DCBLD1: variants seen among roughly 807,000 people sequenced by gnomAD.
The protein encoded by DCBLD1 is discoidin, CUB and LCCL domain-containing protein 1.
In DCBLD1, 57 loss-of-function variants were observed where a neutral mutation model predicts 71.5. The observed-to-expected ratio is 0.80, with a 90% CI of 0.64 to 0.99. The LOEUF is 0.99. Among genes scored for constraint, DCBLD1 ranks in the 50% least tolerant of loss-of-function variants. The pLI, the probability that DCBLD1 is intolerant of heterozygous loss-of-function variation, is 0.00. For missense variants in DCBLD1, 891 were observed against 923.5 expected (o/e 0.96, Z 0.46); for synonymous variants, 380 against 363.8 (o/e 1.04, Z -0.51).
intron 2 of DCBLD1, among the ~76,000 whole-genome samples, chr6:117,519,242 G>A (rs1361894150): frequency 6.6e-6 from 1 of 152,042 alleles, no homozygotes; most frequent in African/African-American, 2.4e-5. Flanking sequence ...GTATAATTTT[G>A]TACTATAATA....
chr6:117,527,723 G>T (rs992776012), intron 5 of DCBLD1, among the ~76,000 whole-genome samples: 1 of 152,050 alleles, frequency 6.6e-6, no homozygotes, highest in African/African-American at 2.4e-5. Context: ...AAAACCATTT[G>T]TCAGGGATAG....
downstream of DCBLD1, among the ~76,000 whole-genome samples, chr6:117,554,245 T>C (rs1350280934): frequency 5.3e-5 from 8 of 152,258 alleles, no homozygotes; most frequent in East Asian, 1.5e-3. Context: ...GTACATTTAA[T>C]TCTATTGGCA....
intron 1 of DCBLD1, among the ~76,000 whole-genome samples, chr6:117,486,880 C>T (rs925601007): frequency 2.6e-5 from 4 of 152,166 alleles, no homozygotes; most frequent in Admixed American, 6.5e-5. Flanking sequence ...GGAGCATTAC[C>T]GCCTGAGTTC....
intron 2 of DCBLD1, among the ~76,000 whole-genome samples, chr6:117,504,710 C>T (rs904682779): frequency 9.2e-5 from 14 of 152,184 alleles, no homozygotes; most frequent in East Asian, 3.8e-4. Context: ...GTGCTGTTAG[C>T]GCACTGCAAC....
At chr6:117,515,020 G>GGTTTTTTTT (rs1402023741) in intron 2 of DCBLD1, among the ~76,000 whole-genome samples, 2 of 136,994 alleles carry the variant, frequency 1.5e-5, no homozygotes, top group Non-Finnish European at 1.6e-5. Context: ...CAGTTTGTGG[G>GGTTTTTTTT]TTTTTTTTTT....
chr6:117,568,246 T>A (rs867712292), intron 14 of DCBLD1, among the ~76,000 whole-genome samples: 3 of 151,898 alleles, frequency 2.0e-5, no homozygotes, highest in Admixed American at 2.0e-4. Flanking sequence ...AAAAGAAAAA[T>A]TTCCAAGCTA....
chr6:117,522,651 A>G, intron 4 of DCBLD1, among the ~76,000 whole-genome samples: 1 of 152,064 alleles, frequency 6.6e-6, no homozygotes. Context: ...TATATTGTCC[A>G]AGCTGATCTC....
Position 117,503,875 on chromosome 6 carries a change from T to G in DCBLD1, c.221T>G (p.Val74Gly). The G allele has an allele frequency of 6.2e-7, 1 of 1,614,070 alleles. No homozygotes were observed. The highest frequency in any genetic ancestry group is 8.5e-7 in the Non-Finnish European group (1 of 1,179,986). ...ACTGTTTGCGAAAAGACAATTACAGTACCAAAGGGGAAAAGACTGATTCTG... is the reference window on the plus strand; with the variant it reads ...ACTGTTTGCGAAAAGACAATTACAGGACCAAAGGGGAAAAGACTGATTCTG... Reference protein sequence around the residue: ...NHTVCEKTITVPKGKRLILRL... With the variant: ...NHTVCEKTITGPKGKRLILRL... Residue 74 changes from valine (V) to glycine (G), a missense_variant, in exon 2 of 15, where the codon GTA becomes GGA. Transcript: ENST00000338728.
At chr6:117,538,472 C>T (rs758115091) in intron 7 of DCBLD1, 148 bp from the exon 8 acceptor site, 16 of 707,224 alleles carry the variant, frequency 2.3e-5, no homozygotes, top group South Asian at 1.5e-4. Context: ...AAGTCTGGAC[C>T]GTTTAAAAGC....
chr6:117,567,054 T>C, intron 14 of DCBLD1: 1 of 1,533,338 alleles, frequency 6.5e-7, no homozygotes, highest in Non-Finnish European at 8.8e-7. Flanking sequence ...GAAATGAAAA[T>C]GAGAAAGTCA....
intron 14 of DCBLD1, among the ~76,000 whole-genome samples, chr6:117,568,026 CAAA>C (rs779227271): frequency 6.4e-5 from 3 of 46,652 alleles, no homozygotes; most frequent in Admixed American, 2.5e-4. Flanking sequence ...CCCATCTCTA[CAAA>C]AAAAAAAAAA....
chr6:117,494,676 A>T (rs1488642444), intron 1 of DCBLD1: 1 of 152,146 alleles, frequency 6.6e-6, no homozygotes, highest in African/African-American at 2.4e-5. Flanking sequence ...CCCACAAAGG[A>T]CTTGTAACTT....
chr6:117,532,601 AT>A (rs1371381027), intron 6 of DCBLD1, among the ~76,000 whole-genome samples: 1 of 152,362 alleles, frequency 6.6e-6, no homozygotes, highest in Non-Finnish European at 1.5e-5. Context: ...TTATGCTGAC[AT>A]GTAAATTAAA....
At chr6:117,493,868 C>T (rs1380694996) in intron 1 of DCBLD1, among the ~76,000 whole-genome samples, 2 of 152,056 alleles carry the variant, frequency 1.3e-5, no homozygotes, top group Non-Finnish European at 2.9e-5. Flanking sequence ...TTGTGGGCTT[C>T]AGTTTTGTTG....
chr6:117,566,514 AAGAC>A (rs944718222), intron 14 of DCBLD1, among the ~76,000 whole-genome samples: 9 of 152,212 alleles, frequency 5.9e-5, no homozygotes, highest in Non-Finnish European at 1.3e-4. Flanking sequence ...AATTTGCATC[AAGAC>A]AGACAGACAA....
At chr6:117,501,233 G>A (rs1275668160) in intron 1 of DCBLD1, among the ~76,000 whole-genome samples, 4 of 152,282 alleles carry the variant, frequency 2.6e-5, no homozygotes, top group East Asian at 3.9e-4. Context: ...CAAGGACCTG[G>A]TGAAGAACTA....
chr6:117,565,311 CAG>C (rs1156891142), intron 14 of DCBLD1, among the ~76,000 whole-genome samples: 1 of 152,180 alleles, frequency 6.6e-6, no homozygotes, highest in Non-Finnish European at 1.5e-5. Context: ...CAGCCTCACA[CAG>C]ATATGTAGTT....
chr6:117,528,189 T>C lies in DCBLD1; in HGVS notation c.585+2755T>C, dbSNP rs548723158. Among the ~76,000 whole-genome samples the C allele has an allele frequency of 1.8e-4, 27 of 152,300 alleles. No homozygotes were observed. In the East Asian group the frequency reaches 5.0e-3, roughly 28 times the overall value. The stretch of plus-strand genomic sequence containing the variant: ...AATACATTATAATGGCAAGTGATTA[T>C]CTCTGGGTAATGACAATATGAGTGA... On this transcript the variant is annotated intron_variant, in intron 5 of 14. Transcript: ENST00000338728.
intron 6 of DCBLD1, among the ~76,000 whole-genome samples, chr6:117,533,632 GACTTACGAACTC>G (rs1380480562): frequency 6.6e-6 from 1 of 152,156 alleles, no homozygotes; most frequent in Non-Finnish European, 1.5e-5. Context: ...CTGAAGAACC[GACTTACGAACTC>G]ACATATAAAC....
Sources: allele counts gnomAD v4.1 joint callset (sites outside exome capture counted in the v4.1 genomes callset), GRCh38; gene constraint gnomAD v4.1.1; transcripts MANE v1.5; gene names NCBI Gene and HGNC (gene_info 2026-07-23, HGNC 2026-07-21).